Variants in VTI1A observed in about 807,000 individuals in gnomAD.
VTI1A encodes the protein vesicle transport through interaction with t-SNAREs 1A, also known as vesicle transport through interaction with t-SNAREs homolog 1A.
VTI1A carries 22 observed loss-of-function variants against 34.9 expected under a neutral mutation model. The ratio of observed to expected loss-of-function variants is 0.63; its 90% CI spans 0.45 to 0.90. VTI1A has a LOEUF of 0.90. Ranked by LOEUF, VTI1A falls within the 40% of genes least tolerant of loss-of-function variation. The pLI, the probability that VTI1A is intolerant of heterozygous loss-of-function variation, is 0.00. For synonymous variants in VTI1A, 87 were observed against 97.3 expected (o/e 0.89, Z 0.62); for missense variants, 268 against 275.6 (o/e 0.97, Z 0.20).
chr10:112,822,544 A>G (rs2134104424), downstream of VTI1A, among the ~76,000 whole-genome samples: 1 of 152,318 alleles, frequency 6.6e-6, no homozygotes, highest in Non-Finnish European at 1.5e-5. Context: ...GAAGGACCCA[A>G]AAGGGATTCT....
intron 5 of VTI1A, among the ~76,000 whole-genome samples, chr10:112,557,893 T>G (rs183764963): frequency 5.3e-5 from 8 of 152,354 alleles, no homozygotes; most frequent in African/African-American, 1.9e-4. Flanking sequence ...TTAATAACTT[T>G]ATTTACACCT....
At chr10:112,716,588 C>A (rs1849621139) in intron 7 of VTI1A, among the ~76,000 whole-genome samples, 1 of 151,962 alleles carries the variant, frequency 6.6e-6, no homozygotes, top group Non-Finnish European at 1.5e-5. Context: ...GACATGGAGG[C>A]CTTAAAACAA....
intron 4 of VTI1A, among the ~76,000 whole-genome samples, chr10:112,532,171 T>G (rs1406442078): frequency 6.6e-6 from 1 of 152,214 alleles, no homozygotes; most frequent in Non-Finnish European, 1.5e-5. Context: ...CAGAATAAGC[T>G]GGAATGCATA....
chr10:112,531,311 G>A (rs781772019), intron 4 of VTI1A, among the ~76,000 whole-genome samples: 1 of 152,052 alleles, frequency 6.6e-6, no homozygotes, highest in Non-Finnish European at 1.5e-5. Context: ...AAAAGATGTT[G>A]ATTATCATAA....
chr10:112,844,990 C>A, the VTI1A span, among the ~76,000 whole-genome samples: 1 of 152,140 alleles, frequency 6.6e-6, no homozygotes, highest in Non-Finnish European at 1.5e-5. Context: ...TTCCTCTTCC[C>A]GCTGCAGTTT....
chr10:112,704,438 T>C (rs1849123651), intron 7 of VTI1A, among the ~76,000 whole-genome samples: 1 of 152,224 alleles, frequency 6.6e-6, no homozygotes, highest in Non-Finnish European at 1.5e-5. Flanking sequence ...CCTATTTTTC[T>C]TTTTCTTTTT....
chr10:112,511,761 G>A (rs914008957), intron 3 of VTI1A, among the ~76,000 whole-genome samples: 6 of 151,798 alleles, frequency 4.0e-5, no homozygotes, highest in Non-Finnish European at 5.9e-5. Context: ...TATTTCCACC[G>A]TCTACCTCCA....
chr10:112,812,421 C>T (rs1853350409), intron 7 of VTI1A, among the ~76,000 whole-genome samples: 1 of 152,214 alleles, frequency 6.6e-6, no homozygotes, highest in Non-Finnish European at 1.5e-5. Context: ...TTCTGATTGT[C>T]TCCGAGCTCT....
intron 3 of VTI1A, among the ~76,000 whole-genome samples, chr10:112,475,585 A>T (rs912651164): frequency 2.0e-5 from 3 of 152,218 alleles, no homozygotes; most frequent in Non-Finnish European, 4.4e-5. Flanking sequence ...AAACAGTGCT[A>T]ACATGCTTTA....
At chr10:112,570,960 C>A (rs879696230) in intron 5 of VTI1A, among the ~76,000 whole-genome samples, 5 of 152,240 alleles carry the variant, frequency 3.3e-5, no homozygotes, top group Non-Finnish European at 7.3e-5. Context: ...TAAGTCCTAT[C>A]ATCCCCACTT....
chr10:112,630,524 A>G (rs1269821161), intron 5 of VTI1A, among the ~76,000 whole-genome samples: 1 of 152,238 alleles, frequency 6.6e-6, no homozygotes, highest in African/African-American at 2.4e-5. Flanking sequence ...TTAGTACTCC[A>G]TGTTTCACAT....
the VTI1A span, among the ~76,000 whole-genome samples, chr10:112,853,008 A>G: frequency 2.0e-5 from 3 of 151,776 alleles, no homozygotes; most frequent in Non-Finnish European, 4.4e-5. Flanking sequence ...CTGGTCTCGA[A>G]CTCCAGACCT....
At chr10:112,559,956 T>C (rs556911552) in intron 5 of VTI1A, among the ~76,000 whole-genome samples, 1 of 152,344 alleles carries the variant, frequency 6.6e-6, no homozygotes, top group East Asian at 1.9e-4. Flanking sequence ...TGTGTGGGGA[T>C]GTACCCATGG....
rs11815732 is a variant in VTI1A, at chr10:112,464,565, G to A, written c.172G>A (p.Glu58Lys). ...AKELLEQMDL[E>K]VREIPPQSRG... ...CTTCTAGCTTGAACAGATGGATTTG[G>A]AAGTCCGAGAGATACCACCCCAAAG... The change falls in exon 3 of 8, where the codon GAA becomes AAA. Residue 58 changes from glutamate to lysine, a missense_variant. By Grantham distance (56) the Glu-to-Lys change is moderately conservative. Transcript: ENST00000393077. 1 of 1,612,442 alleles carries A rather than the reference G, an allele frequency of 6.2e-7. No homozygotes were observed. The highest frequency in any genetic ancestry group is 2.2e-5 in the East Asian group (1 of 44,720).
intron 5 of VTI1A, among the ~76,000 whole-genome samples, chr10:112,590,417 G>C (rs993822345): frequency 6.6e-6 from 1 of 152,128 alleles, no homozygotes; most frequent in East Asian, 1.9e-4. Flanking sequence ...TGCAGGCTGG[G>C]CACAGTGACT....
intron 7 of VTI1A, among the ~76,000 whole-genome samples, chr10:112,695,619 A>G (rs1361043378): frequency 6.6e-6 from 1 of 152,134 alleles, no homozygotes; most frequent in African/African-American, 2.4e-5. Context: ...TCCTTCTTAC[A>G]CTGGAATCTC....
At chr10:112,797,244 G>A (rs1215583062) in intron 7 of VTI1A, among the ~76,000 whole-genome samples, 1 of 152,154 alleles carries the variant, frequency 6.6e-6, no homozygotes, top group Non-Finnish European at 1.5e-5. Flanking sequence ...CCTCAGCTAT[G>A]ATTGTTTTCC....
At chr10:112,641,725 A>G (rs1846582320) in intron 5 of VTI1A, among the ~76,000 whole-genome samples, 1 of 152,196 alleles carries the variant, frequency 6.6e-6, no homozygotes. Context: ...CAGTGAGAGC[A>G]CGAGATTAGC....
rs1287485541 is a variant in VTI1A at position 112,778,702 on chromosome 10, A to T, written c.561-36588A>T. Among the ~76,000 whole-genome samples the T allele has an allele frequency of 3.4e-5, 5 of 149,018 alleles. No homozygotes were observed. The Admixed American group carries it at 3.4e-4, about 10-fold the overall frequency. On this transcript the variant is annotated intron_variant, in intron 7 of 7. Transcript: ENST00000393077. ...TCAGGTAGCAGTCCTCCAGGAAAAA[A>T]TTTTTTTTTTAGTTTAGTCAATACT...
Sources: allele counts gnomAD v4.1 joint callset (sites outside exome capture counted in the v4.1 genomes callset), GRCh38; gene constraint gnomAD v4.1.1; transcripts MANE v1.5; gene names NCBI Gene and HGNC (gene_info 2026-07-23, HGNC 2026-07-21).